Variants in CAPRIN2 observed in about 807,000 individuals in gnomAD.
The protein encoded by CAPRIN2 is caprin family member 2, also known as caprin-2.
Under a neutral mutation model 130.4 loss-of-function variants are expected in CAPRIN2, and 66 were observed. The observed-to-expected ratio is 0.51, with a 90% CI of 0.42 to 0.62. The LOEUF is 0.62. CAPRIN2 is among the 20% of genes least tolerant of loss of function. The probability of loss-of-function intolerance (pLI) is 0.00; values close to 1 mark genes in which losing one functional copy is unlikely to be tolerated. For missense variants in CAPRIN2, 1,185 were observed against 1,246.6 expected (o/e 0.95, Z 0.74); for synonymous variants, 471 against 444.1 (o/e 1.06, Z -0.76).
At chr12:30,744,554 C>T (rs2069025338) in intron 2 of CAPRIN2, among the ~76,000 whole-genome samples, 1 of 152,144 alleles carries the variant, frequency 6.6e-6, no homozygotes, top group African/African-American at 2.4e-5. Flanking sequence ...TTCTTCCTCC[C>T]TCCCCCCTTT....
In CAPRIN2 at chr12:30,733,029, T is replaced by A. The variant is rs143256633; in HGVS notation, c.892+600A>T. Among the ~76,000 whole-genome samples the A allele has an allele frequency of 2.2e-3, 342 of 152,238 alleles. 3 individuals are homozygous for A. Among genetic ancestry groups the A allele is most frequent in the Admixed American group, 0.012 (189 of 15,284 alleles). ...AGTTATAGATATTTGGATTTTTTTT[T>A]AAAAGGAAGCAATCACTGGTAACAA... is the stretch of plus-strand genomic sequence containing the variant. On this transcript the variant is annotated intron_variant, in intron 5 of 16. Transcript: ENST00000298892.
At chr12:30,732,918 T>C (rs1000222894) in intron 5 of CAPRIN2, among the ~76,000 whole-genome samples, 1 of 152,164 alleles carries the variant, frequency 6.6e-6, no homozygotes, top group African/African-American at 2.4e-5. Flanking sequence ...ACTGCCAAAC[T>C]ATTTTCTAAA....
chr12:30,711,705 C>A, intron 15 of CAPRIN2, 76 bp from the exon 18 acceptor site: 1 of 1,212,830 alleles, frequency 8.2e-7, no homozygotes, highest in East Asian at 2.4e-5. Flanking sequence ...GGACTACCGG[C>A]TGGCAAATAA....
exon 13 of CAPRIN2, chr12:30,716,646 G>C (rs1204939518): frequency 6.2e-7 from 1 of 1,613,850 alleles, no homozygotes; most frequent in Admixed American, 1.7e-5. Context: ...TGTTCTTTTC[G>C]TGGAGGCAGA....
At chr12:30,739,864 C>T (rs565548924) in intron 3 of CAPRIN2, among the ~76,000 whole-genome samples, 10 of 151,988 alleles carry the variant, frequency 6.6e-5, no homozygotes, top group Non-Finnish European at 1.0e-4. Context: ...ATTTTTTACA[C>T]GTTTTTAATC....
At chr12:30,730,430 AT>A in intron 6 of CAPRIN2, 148 bp from the exon 8 acceptor site, 2 of 627,402 alleles carry the variant, frequency 3.2e-6, no homozygotes, top group Non-Finnish European at 5.7e-6. Flanking sequence ...GGCAAGAGGA[AT>A]TATATTCCTT....
chr12:30,735,655 G>C (rs2064403478), intron 3 of CAPRIN2, among the ~76,000 whole-genome samples: 1 of 152,052 alleles, frequency 6.6e-6, no homozygotes, highest in African/African-American at 2.4e-5. Flanking sequence ...AAAGCATAAG[G>C]GGTTGAAAAG....
Position 30,710,423 on chromosome 12 carries a change from C to T in CAPRIN2, c.2713G>A (p.Glu905Lys), listed in dbSNP as rs763676110. 6.2e-6 allele frequency: 10 copies of T among 1,614,000 alleles called. No individual in the cohort carries two copies. Among genetic ancestry groups the T allele is most frequent in the Admixed American group, 5.0e-5 (3 of 59,992 alleles). ...CCAGAGTCACCACTGTTAAAGGTTTCGTTGTCTCTTTCTGGGCTGCTCACC... is the reference window on the plus strand; with the variant it reads ...CCAGAGTCACCACTGTTAAAGGTTTTGTTGTCTCTTTCTGGGCTGCTCACC... The change falls in exon 17 of 17, where the codon GAA becomes AAA. Residue 905 changes from glutamate to lysine, a missense_variant. By Grantham distance (56) the Glu-to-Lys change is moderately conservative (BLOSUM62 1). Transcript: ENST00000298892. This position sits in a 1 kb window ranked among gnomAD's most constrained non-coding sequence, Gnocchi z 4.8.
Position 30,726,227 on chromosome 12 carries a change from A to T in CAPRIN2, c.1783-139T>A, listed in dbSNP as rs1044307551. ...TCACAGGTAAAGAATTTTCTCATAAATACCTTTTCTAAATAAGCAAACTTT... is the reference window on the plus strand; with the variant it reads ...TCACAGGTAAAGAATTTTCTCATAATTACCTTTTCTAAATAAGCAAACTTT... On this transcript the variant is annotated intron_variant, in intron 8 of 16. Coordinates refer to ENST00000298892, the Ensembl canonical transcript of CAPRIN2. The T allele has an allele frequency of 7.7e-6, 5 of 649,376 alleles. No individual in the cohort carries two copies. The African/African-American group carries it at 9.5e-5, about 12-fold the overall frequency. The allele number at this position is 649,376 out of a possible 1,614,324, so 40.2% of individuals were successfully genotyped here.
At chr12:30,751,087 A>C in exon 2 of CAPRIN2, 2 of 1,613,820 alleles carry the variant, frequency 1.2e-6, no homozygotes, top group Non-Finnish European at 1.7e-6. Context: ...GTCTGGATTA[A>C]GATGCTCTCC....
intron 3 of CAPRIN2, among the ~76,000 whole-genome samples, chr12:30,740,254 G>A (rs1334395304): frequency 2.6e-5 from 4 of 151,816 alleles, no homozygotes; most frequent in Non-Finnish European, 4.4e-5. Context: ...GGGTGAGAGA[G>A]CGAGACCTTG....
At chr12:30,724,263 A>G in intron 10 of CAPRIN2, 107 bp downstream of exon 11, 1 of 711,804 alleles carries the variant, frequency 1.4e-6, no homozygotes, top group Non-Finnish European at 2.5e-6. Context: ...ATAAATTAAT[A>G]CACCAACATA....
intron 10 of CAPRIN2, 51 bp downstream of exon 11, chr12:30,724,319 A>G (rs1386425822): frequency 3.8e-6 from 4 of 1,055,172 alleles, no homozygotes; most frequent in Middle Eastern, 2.0e-4. Context: ...ACAACAACAA[A>G]TAGCTGTTAG....
At chr12:30,729,408 G>A (rs993041279) in intron 7 of CAPRIN2, 83 bp from the exon 9 acceptor site, 41 of 950,862 alleles carry the variant, frequency 4.3e-5, no homozygotes, top group Middle Eastern at 3.0e-4. Context: ...GTATTGCTAT[G>A]TCCTCTGATC....
exon 1 of CAPRIN2, chr12:30,753,557 T>C (rs756390827): frequency 1.9e-6 from 3 of 1,613,938 alleles, no homozygotes; most frequent in South Asian, 1.1e-5. Flanking sequence ...GGCCTGAAGG[T>C]GACTGGTAAC....
chr12:30,736,603 T>A (rs1452367721), intron 3 of CAPRIN2, among the ~76,000 whole-genome samples: 4 of 152,240 alleles, frequency 2.6e-5, no homozygotes, highest in South Asian at 2.1e-4. Context: ...TGATTTGTGC[T>A]ACTGCTAGGG....
In CAPRIN2 at chr12:30,733,603, A is replaced by C. The variant is rs766968000; in HGVS notation, c.892+26T>G. 8 of 1,506,826 alleles carry C rather than the reference A, an allele frequency of 5.3e-6. No homozygotes were observed. The South Asian group carries it at 5.6e-5, about 11-fold the overall frequency. The allele number at this position is 1,506,826 out of a possible 1,614,324, so 93.3% of individuals were successfully genotyped here. A position where few individuals can be genotyped will look rare whatever the true frequency, so the allele number is the denominator to read the frequency against. On this transcript the variant is annotated intron_variant, in intron 5 of 16. Transcript: ENST00000298892. The stretch of plus-strand genomic sequence containing the variant: ...AGACATAAAGTTTAGTATTTACTGC[A>C]TAAGTCCAGAGTAGAGAAAACTCAC...
intron 2 of CAPRIN2, among the ~76,000 whole-genome samples, chr12:30,743,122 T>TC (rs1164074168): frequency 2.3e-5 from 2 of 86,804 alleles, no homozygotes; most frequent in Admixed American, 1.5e-4. Context: ...GTATCCCCCC[T>TC]CCCCCCGCCC....
At chr12:30,714,885 G>C in intron 14 of CAPRIN2, 74 bp downstream of exon 16, 1 of 1,238,354 alleles carries the variant, frequency 8.1e-7, no homozygotes. Flanking sequence ...AGCAAGGTTA[G>C]GTAAAAATGG....
Sources: allele counts gnomAD v4.1 joint callset (sites outside exome capture counted in the v4.1 genomes callset), GRCh38; gene constraint gnomAD v4.1.1; non-coding constraint Gnocchi (gnomAD v3.1); transcripts MANE v1.5; gene names NCBI Gene and HGNC (gene_info 2026-07-23, HGNC 2026-07-21).